The following DNAJB11 variants were observed in gnomAD, a reference collection of about 807,000 sequenced individuals.
DNAJB11 encodes the protein dnaJ homolog subfamily B member 11.
DNAJB11 carries 30 observed loss-of-function variants against 47.2 expected under a neutral mutation model. The ratio of observed to expected loss-of-function variants is 0.64; its 90% confidence interval spans 0.48 to 0.86. The LOEUF is 0.86. DNAJB11 is among the 40% of genes least tolerant of loss of function. The probability of loss-of-function intolerance (pLI) is 0.00; values close to 1 mark genes in which losing one functional copy is unlikely to be tolerated. For missense variants in DNAJB11, 357 were observed against 440.2 expected (o/e 0.81, Z 1.69); for synonymous variants, 151 against 159.9 (o/e 0.94, Z 0.42).
chr3:186,575,368 C>CGCGCGTGCGCGCGCGCGTGTGT (rs1406330956), intron 2 of DNAJB11, among the ~76,000 whole-genome samples: 1 of 143,358 alleles, frequency 7.0e-6, no homozygotes, highest in African/African-American at 2.7e-5. Flanking sequence ...CGCGCGCGCG[C>CGCGCGTGCGCGCGCGCGTGTGT]GTGTGTGTGT....
chr3:186,576,990 A>G (rs2108479080), intron 3 of DNAJB11, among the ~76,000 whole-genome samples: 1 of 152,302 alleles, frequency 6.6e-6, no homozygotes, highest in Non-Finnish European at 1.5e-5. Context: ...ATTAGATTAA[A>G]CCACCTGTAG....
intron 2 of DNAJB11, among the ~76,000 whole-genome samples, chr3:186,575,377 G>T (rs1715249415): frequency 6.6e-6 from 1 of 151,948 alleles, no homozygotes; most frequent in South Asian, 2.1e-4. Context: ...GCGTGTGTGT[G>T]TGTGTGTGTG....
chr3:186,584,385 C>G, intron 8 of DNAJB11, 45 bp from the exon 9 acceptor site: 2 of 1,502,064 alleles, frequency 1.3e-6, no homozygotes, highest in East Asian at 2.4e-5. Context: ...TGATGTACTT[C>G]AGATGTACCG....
In DNAJB11 at chr3:186,581,463, G is replaced by A. The variant is rs761788240; in HGVS notation, c.549G>A (p.Gly183=). 1.2e-6 allele frequency: 2 copies of A among 1,613,688 alleles called. No homozygotes were observed. Reference sequence around the variant, plus strand: ...TGCGGACCACCCAGCTGGGCCCTGGGCGCTTCCAAATGACCCAGGAGGTGG... The same window carrying A: ...TGCGGACCACCCAGCTGGGCCCTGGACGCTTCCAAATGACCCAGGAGGTGG... ...QEMRTTQLGP[G]RFQMTQEVVC... is the part of the protein sequence containing the mutation. The change falls in exon 5 of 10, where the codon GGG becomes GGA. Residue 183 remains glycine (G), a synonymous_variant. Transcript: ENST00000265028.
chr3:186,574,911 C>G (rs1290554083), intron 2 of DNAJB11, among the ~76,000 whole-genome samples: 1 of 152,060 alleles, frequency 6.6e-6, no homozygotes, highest in African/African-American at 2.4e-5. Flanking sequence ...GATTTTAAAG[C>G]CATTTAATTT....
intron 5 of DNAJB11, 47 bp from the exon 6 acceptor site, chr3:186,581,948 T>C (rs1167376332): frequency 6.8e-7 from 1 of 1,474,976 alleles, no homozygotes; most frequent in Non-Finnish European, 9.4e-7. Context: ...TGATGTTTTG[T>C]TTATATTTTC....
At position 186,583,962 on chromosome 3, in the gene DNAJB11, T is replaced by G; in HGVS notation, c.838T>G (p.Leu280Val). 1 of 1,612,402 alleles carries G rather than the reference T, an allele frequency of 6.2e-7. No homozygotes were observed. Among genetic ancestry groups the G allele is most frequent in the Non-Finnish European group, 8.5e-7 (1 of 1,178,492 alleles). ...TGGCTTTGAGATGGATATTACTCAC[T>G]TGGATGGTCACAAGGTAAACAAACC... ...LVGFEMDITH[L>V]DGHKVHISRD... The change falls in exon 8 of 10, where the codon TTG becomes GTG. Residue 280 changes from leucine to valine, a missense_variant. Transcript: ENST00000265028.
intron 2 of DNAJB11, 83 bp downstream of exon 2, chr3:186,572,334 C>T: frequency 8.0e-7 from 1 of 1,246,304 alleles, no homozygotes; most frequent in Admixed American, 2.7e-5. Flanking sequence ...CTCCTTTCAG[C>T]TCACATTTAT....
intron 6 of DNAJB11, 26 bp from the exon 7 acceptor site, chr3:186,582,690 A>G: frequency 6.4e-7 from 1 of 1,565,328 alleles, no homozygotes; most frequent in East Asian, 2.3e-5. Context: ...TATGATTTAC[A>G]ATATGCTGTA....
At chr3:186,579,294 A>G (rs1287568744) in intron 4 of DNAJB11, 1 of 152,032 alleles carries the variant, frequency 6.6e-6, no homozygotes, top group Non-Finnish European at 1.5e-5. Flanking sequence ...TTTATCCTTC[A>G]CTGCTTCCTT....
At chr3:186,582,485 T>C (rs945906623) in intron 6 of DNAJB11, among the ~76,000 whole-genome samples, 4 of 152,182 alleles carry the variant, frequency 2.6e-5, no homozygotes, top group African/African-American at 9.6e-5. Flanking sequence ...AGGAGACCAG[T>C]GTATCATTCT....
At chr3:186,578,922 A>G (rs1427840065) in intron 4 of DNAJB11, 2 of 152,200 alleles carry the variant, frequency 1.3e-5, no homozygotes, top group Non-Finnish European at 2.9e-5. Flanking sequence ...TTTTTGTTCT[A>G]AAATAAGAAA....
At chr3:186,575,967 A>C in intron 3 of DNAJB11, 30 bp downstream of exon 3, 2 of 1,481,924 alleles carry the variant, frequency 1.3e-6, no homozygotes, top group East Asian at 4.5e-5. Flanking sequence ...GCAAAGTGTT[A>C]GTGTCTGAGA....
At chr3:186,575,991 C>T (rs1190170344) in intron 3 of DNAJB11, 54 bp downstream of exon 3, 38 of 1,289,126 alleles carry the variant, frequency 2.9e-5, no homozygotes, top group East Asian at 4.7e-5. Context: ...GGTCACTTAG[C>T]GATTAAAGAA....
chr3:186,571,374 T>G (rs1715047825), intron 1 of DNAJB11, among the ~76,000 whole-genome samples: 1 of 152,036 alleles, frequency 6.6e-6, no homozygotes, highest in African/African-American at 2.4e-5. Context: ...GGATGGACGT[T>G]TGTTTGATCA....
intron 2 of DNAJB11, among the ~76,000 whole-genome samples, chr3:186,572,743 T>G (rs1390839110): frequency 6.6e-6 from 1 of 152,218 alleles, no homozygotes; most frequent in Non-Finnish European, 1.5e-5. Context: ...ATATTCTGCC[T>G]CCATATTGGG....
rs1165712628 is a variant in DNAJB11 at position 186,583,966 on chromosome 3, A to G, written c.842A>G (p.Asp281Gly). The change falls in exon 8 of 10, where the codon GAT becomes GGT. Residue 281 changes from aspartate to glycine, a missense_variant. Transcript: ENST00000265028. The stretch of plus-strand genomic sequence containing the variant: ...TTTGAGATGGATATTACTCACTTGG[A>G]TGGTCACAAGGTAAACAAACCAATT... ...VGFEMDITHL[D>G]GHKVHISRDK... The G allele has an allele frequency of 1.9e-6, 3 of 1,611,686 alleles. No homozygotes were observed. Among genetic ancestry groups the G allele is most frequent in the Non-Finnish European group, 2.5e-6 (3 of 1,178,014 alleles).
At position 186,572,146 on chromosome 3, in the gene DNAJB11, T is replaced by C; in HGVS notation, c.120T>C (p.Asp40=). ...LGVPRSASIK[D]IKKAYRKLAL... ...TGCCTCGAAGTGCCTCTATAAAGGA[T>C]ATTAAAAAGGCCTATAGGAAACTAG... Residue 40 remains aspartate, a synonymous_variant, in exon 2 of 10, where the codon GAT becomes GAC. Coordinates refer to ENST00000265028, the MANE Select transcript of DNAJB11 (RefSeq NM_016306.6). 6.2e-7 allele frequency: 1 copy of C among 1,612,762 alleles called. No homozygotes were observed. Among genetic ancestry groups the C allele is most frequent in the African/African-American group, 1.3e-5 (1 of 74,906 alleles).
Position 186,585,281 on chromosome 3 carries a change from C to A in DNAJB11, c.1013-63C>A. The A allele has an allele frequency of 5.0e-6, 7 of 1,389,782 alleles. No individual in the cohort carries two copies. In the South Asian group the frequency reaches 7.4e-5, roughly 15 times the overall value. The allele number at this position is 1,389,782 out of a possible 1,614,324, so 86.1% of individuals were successfully genotyped here. On this transcript the variant is annotated intron_variant, in intron 9 of 9. Transcript: ENST00000265028. ...TATGAGCTTTTTCTTGAAATATGCT[C>A]TTTAAACGCTAGGAAAGTAACATTT...
Sources: allele counts gnomAD v4.1 joint callset (sites outside exome capture counted in the v4.1 genomes callset), GRCh38; gene constraint gnomAD v4.1.1; transcripts MANE v1.5; gene names NCBI Gene and HGNC (gene_info 2026-07-23, HGNC 2026-07-21).